The following CNTN3 variants were observed in gnomAD, a reference collection of about 807,000 sequenced individuals.
CNTN3 encodes contactin-3.
A neutral mutation model predicts 119.1 loss-of-function variants in CNTN3; 60 were observed. That is an observed-to-expected ratio of 0.50 (90% CI 0.41 to 0.62). The LOEUF (loss-of-function observed/expected upper bound fraction) is 0.62, where lower values mean the gene tolerates loss of function less well. Ranked by LOEUF, CNTN3 falls within the 20% of genes least tolerant of loss-of-function variation. The pLI, the probability that CNTN3 is intolerant of heterozygous loss-of-function variation, is 0.00. For synonymous variants in CNTN3, 450 were observed against 438.7 expected (o/e 1.03, Z -0.32); for missense variants, 1,101 against 1,242.4 (o/e 0.89, Z 1.71).
In CNTN3 at chr3:74,364,553, A is replaced by G; in HGVS notation, c.1127T>C (p.Leu376Pro). ...IENGALTISN[L>P]SVTDSGMFQC... ...GAACATGCCAGAATCAGTCACACTT[A>G]GGTTTGATATTGTAAGGGCACCATT... Residue 376 changes from leucine to proline, a missense_variant, in exon 10 of 23, where the codon CTA (leucine) becomes CCA (proline). Transcript: ENST00000263665. 3 of 1,611,572 alleles carry G rather than the reference A, an allele frequency of 1.9e-6. No individual in the cohort carries two copies. The highest frequency in any genetic ancestry group is 1.1e-5 in the South Asian group (1 of 91,006).
chr3:74,442,524 T>C (rs775073914), intron 4 of CNTN3, among the ~76,000 whole-genome samples: 2 of 152,186 alleles, frequency 1.3e-5, no homozygotes, highest in Non-Finnish European at 2.9e-5. Context: ...TCCTTATAAA[T>C]TTTTCATGCA....
At chr3:74,532,161 A>G (rs1470081756) in intron 1 of CNTN3, among the ~76,000 whole-genome samples, 2 of 151,988 alleles carry the variant, frequency 1.3e-5, no homozygotes, top group Non-Finnish European at 2.9e-5. Flanking sequence ...AGTGGTGGGT[A>G]GATGTGTGAA....
At chr3:74,387,143 G>C (rs1397298701) in intron 5 of CNTN3, among the ~76,000 whole-genome samples, 20 of 152,212 alleles carry the variant, frequency 1.3e-4, no homozygotes, top group Non-Finnish European at 1.5e-5. Flanking sequence ...TGGCCAATCA[G>C]ATTGAATGGT....
chr3:74,598,973 A>G (rs911952949), intron 1 of CNTN3, among the ~76,000 whole-genome samples: 2 of 152,086 alleles, frequency 1.3e-5, no homozygotes, highest in Non-Finnish European at 2.9e-5. Flanking sequence ...AAATCTAAAT[A>G]TAACTATTTT....
At chr3:74,488,688 T>G (rs75650487) in intron 3 of CNTN3, among the ~76,000 whole-genome samples, 21,868 of 152,186 alleles carry the variant, frequency 0.14, 1,586 homozygotes, top group African/African-American at 0.17. Flanking sequence ...CTTTCTCACT[T>G]TTTCTGTTTT....
intron 3 of CNTN3, among the ~76,000 whole-genome samples, chr3:74,487,168 G>C (rs78548456): frequency 0.13 from 19,162 of 152,104 alleles, 1,211 homozygotes; most frequent in Non-Finnish European, 0.13. Context: ...ATGGTACACT[G>C]TGGTAAATGA....
At chr3:74,342,352 C>A (rs1703569909) in intron 11 of CNTN3, among the ~76,000 whole-genome samples, 1 of 152,066 alleles carries the variant, frequency 6.6e-6, no homozygotes. Flanking sequence ...TTCTACCTAT[C>A]CTATTTTGGG....
At chr3:74,390,038 C>T (rs1347231719) in intron 5 of CNTN3, among the ~76,000 whole-genome samples, 1 of 152,158 alleles carries the variant, frequency 6.6e-6, no homozygotes, top group African/African-American at 2.4e-5. Context: ...TTTAAACTGA[C>T]CGCCCATTCA....
At chr3:74,540,430 G>T (rs1486443594) in intron 1 of CNTN3, among the ~76,000 whole-genome samples, 2 of 152,042 alleles carry the variant, frequency 1.3e-5, no homozygotes, top group African/African-American at 4.8e-5. Flanking sequence ...TGTCTTCTTT[G>T]TTTTTTCTTT....
chr3:74,557,120 T>A (rs1053768019), intron 1 of CNTN3, among the ~76,000 whole-genome samples: 1 of 150,872 alleles, frequency 6.6e-6, no homozygotes, highest in East Asian at 1.9e-4. Flanking sequence ...CTCTGCAGCA[T>A]AAAAGTTCCT....
At chr3:74,563,918 T>G (rs911531182) in intron 1 of CNTN3, among the ~76,000 whole-genome samples, 1 of 152,134 alleles carries the variant, frequency 6.6e-6, no homozygotes, top group African/African-American at 2.4e-5. Context: ...TAGCCAATAT[T>G]CACATTGCTC....
intron 4 of CNTN3, among the ~76,000 whole-genome samples, chr3:74,462,489 C>T (rs1702387812): frequency 1.3e-5 from 2 of 152,022 alleles, no homozygotes; most frequent in Admixed American, 6.6e-5. Context: ...AAATCTAAAG[C>T]AGTGTCAATA....
chr3:74,408,945 T>C (rs1355970924), intron 5 of CNTN3, among the ~76,000 whole-genome samples: 2 of 152,172 alleles, frequency 1.3e-5, no homozygotes, highest in East Asian at 1.9e-4. Context: ...CACTCTATTA[T>C]ATTATTTTTT....
intron 4 of CNTN3, among the ~76,000 whole-genome samples, chr3:74,483,264 C>T (rs9826756): frequency 0.98 from 148,477 of 152,188 alleles, 72,526 homozygotes; most frequent in East Asian, 1. Flanking sequence ...GTTTGCTTTA[C>T]GAAAGGGAGA....
intron 4 of CNTN3, among the ~76,000 whole-genome samples, chr3:74,453,175 T>C (rs1246735238): frequency 1.3e-5 from 2 of 152,100 alleles, no homozygotes; most frequent in African/African-American, 4.8e-5. Context: ...AAGCTGTTGA[T>C]TATTGCCACA....
chr3:74,461,805 G>T (rs187996007), intron 4 of CNTN3, among the ~76,000 whole-genome samples: 31 of 152,110 alleles, frequency 2.0e-4, no homozygotes, highest in African/African-American at 6.7e-4. Flanking sequence ...TTTTATAAGT[G>T]GTCAGTTTAT....
intron 4 of CNTN3, among the ~76,000 whole-genome samples, chr3:74,464,343 C>A (rs1427034640): frequency 2.0e-5 from 3 of 152,094 alleles, no homozygotes; most frequent in Non-Finnish European, 4.4e-5. Flanking sequence ...TCTGTTACTC[C>A]CTGAATAAAC....
intron 20 of CNTN3, among the ~76,000 whole-genome samples, chr3:74,283,287 T>C (rs1392034484): frequency 6.6e-6 from 1 of 152,132 alleles, no homozygotes; most frequent in Non-Finnish European, 1.5e-5. Context: ...AGCATGCTAA[T>C]ACCTTCAAGT....
intron 11 of CNTN3, among the ~76,000 whole-genome samples, chr3:74,348,186 A>AACAC (rs147357438): frequency 6.6e-6 from 1 of 151,362 alleles, no homozygotes; most frequent in African/African-American, 2.4e-5. Context: ...AAGTGTTCTC[A>AACAC]ACACACACAC....
Sources: allele counts gnomAD v4.1 joint callset (sites outside exome capture counted in the v4.1 genomes callset), GRCh38; gene constraint gnomAD v4.1.1; transcripts MANE v1.5; gene names NCBI Gene and HGNC (gene_info 2026-07-23, HGNC 2026-07-21).